Variants in EDIL3 observed in about 807,000 individuals in gnomAD.
EDIL3 encodes EGF-like repeat and discoidin I-like domain-containing protein 3.
Under a neutral mutation model 67.4 loss-of-function variants are expected in EDIL3, and 37 were observed. That is an observed-to-expected ratio of 0.55 (90% CI 0.42 to 0.72). The LOEUF (loss-of-function observed/expected upper bound fraction) is 0.72. Among genes scored for constraint, EDIL3 ranks in the 30% least tolerant of loss-of-function variants. The pLI, the probability that EDIL3 is intolerant of heterozygous loss-of-function variation, is 0.00. For synonymous variants in EDIL3, 195 were observed against 196.3 expected (o/e 0.99, Z 0.05); for missense variants, 527 against 586.3 (o/e 0.90, Z 1.04).
chr5:84,006,455 C>T (rs576450947), intron 9 of EDIL3, among the ~76,000 whole-genome samples: 5 of 152,120 alleles, frequency 3.3e-5, no homozygotes, highest in Non-Finnish European at 7.4e-5. Context: ...TGCAAACTAA[C>T]ACAGGAACAT....
At chr5:84,246,739 A>AT (rs1423042444) in intron 2 of EDIL3, among the ~76,000 whole-genome samples, 3 of 152,030 alleles carry the variant, frequency 2.0e-5, no homozygotes, top group East Asian at 3.9e-4. Context: ...GATGTTATAC[A>AT]TTTTTTTCTT....
chr5:84,193,082 GC>G (rs2112369760), intron 3 of EDIL3, among the ~76,000 whole-genome samples: 1 of 152,012 alleles, frequency 6.6e-6, no homozygotes, highest in South Asian at 2.1e-4. Flanking sequence ...GCCTTCAAAG[GC>G]CATGTATTTA....
intron 6 of EDIL3, among the ~76,000 whole-genome samples, chr5:84,102,972 A>C (rs944283096): frequency 3.3e-5 from 5 of 152,150 alleles, no homozygotes; most frequent in African/African-American, 1.2e-4. Flanking sequence ...ACTATACTAT[A>C]GGGCTACAGT....
At position 84,107,939 on chromosome 5, in the gene EDIL3, T is replaced by A. The variant is rs564421959; in HGVS notation, c.470-1109A>T. ...AATATTTTGCCAATTTAGATTTGTA[T>A]AATATATACGATAATTGTATTATAA... On this transcript the variant is annotated intron_variant, in intron 5 of 10. Coordinates refer to ENST00000296591, the MANE Select transcript of EDIL3 (RefSeq NM_005711.5). Among the ~76,000 whole-genome samples, 22 of 151,080 alleles carry A rather than the reference T, an allele frequency of 1.5e-4. 1 individual carries two copies. In the South Asian group the frequency reaches 4.6e-3, roughly 32 times the overall value.
chr5:83,949,714 A>G (rs1359807780), intron 10 of EDIL3, among the ~76,000 whole-genome samples: 1 of 151,830 alleles, frequency 6.6e-6, no homozygotes, highest in Non-Finnish European at 1.5e-5. Flanking sequence ...GACACATGTC[A>G]TTCCAGTGAT....
At chr5:84,093,146 G>A (rs1022512758) in intron 6 of EDIL3, among the ~76,000 whole-genome samples, 9 of 151,640 alleles carry the variant, frequency 5.9e-5, no homozygotes, top group African/African-American at 2.2e-4. Context: ...ATCACACAGT[G>A]CAGAATAATT....
intron 9 of EDIL3, among the ~76,000 whole-genome samples, chr5:83,965,013 A>C (rs1345620833): frequency 6.6e-6 from 1 of 152,084 alleles, no homozygotes; most frequent in Non-Finnish European, 1.5e-5. Context: ...ATAATTTAAT[A>C]TCAAGAGATG....
intron 6 of EDIL3, among the ~76,000 whole-genome samples, chr5:84,094,778 T>C (rs1263776580): frequency 6.6e-6 from 1 of 152,222 alleles, no homozygotes; most frequent in African/African-American, 2.4e-5. Flanking sequence ...GCCGATATAT[T>C]CTACATTAAC....
Position 84,152,620 on chromosome 5 carries a change from A to G in EDIL3, c.356-15266T>C, listed in dbSNP as rs139551248. Among the ~76,000 whole-genome samples the G allele has an allele frequency of 5.6e-3, 857 of 152,302 alleles. 4 individuals carry two copies. The highest frequency in any genetic ancestry group is 9.3e-3 in the Non-Finnish European group (631 of 68,012). On this transcript the variant is annotated intron_variant, in intron 4 of 10. Coordinates refer to ENST00000296591, the MANE Select transcript of EDIL3 (RefSeq NM_005711.5). Reference sequence around the variant, plus strand: ...TAGTAAGTGTAACATCGTCTGCTTAATTTGGTTGTTTAATTTGGCCCTTAG... The same window carrying G: ...TAGTAAGTGTAACATCGTCTGCTTAGTTTGGTTGTTTAATTTGGCCCTTAG...
rs1746599328 is a variant in EDIL3, at chr5:84,064,552, C to T, written c.952+148G>A. On this transcript the variant is annotated intron_variant, in intron 8 of 10. Coordinates refer to ENST00000296591, the MANE Select transcript of EDIL3 (RefSeq NM_005711.5). ...TGTTTATTCTATACATAAACACACA[C>T]TGGTTTTCCCTGAACCATGTTGTAG... 3 of 940,578 alleles carry T rather than the reference C, an allele frequency of 3.2e-6. No homozygotes were observed. In the South Asian group the frequency reaches 6.1e-5, roughly 19 times the overall value. 58.3% of individuals were successfully genotyped at this position (940,578 alleles called of 1,614,324 possible).
At chr5:84,379,163 A>G (rs1748028197) in intron 1 of EDIL3, among the ~76,000 whole-genome samples, 1 of 152,270 alleles carries the variant, frequency 6.6e-6, no homozygotes, top group Non-Finnish European at 1.5e-5. Context: ...AGCTCCTTAA[A>G]AGGGTATAAT....
intron 4 of EDIL3, among the ~76,000 whole-genome samples, chr5:84,166,555 C>T (rs1748707158): frequency 6.6e-6 from 1 of 152,062 alleles, no homozygotes; most frequent in African/African-American, 2.4e-5. Context: ...CAAATTACAG[C>T]AAAATGTAAA....
rs146726257 is a variant in EDIL3, at chr5:84,339,267, C to T, written c.67+45041G>A. On this transcript the variant is annotated intron_variant, in intron 1 of 10. Transcript: ENST00000296591. ...AGGGATAATGTAATTATAGCCTCTA[C>T]TTCATAGGGCAGTAGTAAGGGTTGG... is the stretch of plus-strand genomic sequence containing the variant. 5.9e-3 allele frequency among the ~76,000 whole-genome samples: 892 copies of T among 152,224 alleles called. 4 individuals are homozygous for T. The highest frequency in any genetic ancestry group is 9.5e-3 in the Non-Finnish European group (643 of 68,006).
At chr5:84,103,929 G>A (rs192291502) in intron 6 of EDIL3, among the ~76,000 whole-genome samples, 1 of 152,186 alleles carries the variant, frequency 6.6e-6, no homozygotes, top group Non-Finnish European at 1.5e-5. Context: ...TATGTTCACT[G>A]TAGCACCATT....
intron 4 of EDIL3, among the ~76,000 whole-genome samples, chr5:84,144,866 C>A (rs113021001): frequency 6.6e-6 from 1 of 152,056 alleles, no homozygotes; most frequent in African/African-American, 2.4e-5. Flanking sequence ...TAATAATCAA[C>A]CATTTTGGAG....
At chr5:83,971,513 C>G (rs746476955) in intron 9 of EDIL3, among the ~76,000 whole-genome samples, 2 of 151,942 alleles carry the variant, frequency 1.3e-5, no homozygotes, top group African/African-American at 4.8e-5. Flanking sequence ...AGCAATCCTC[C>G]ACCCTTAGCC....
intron 5 of EDIL3, among the ~76,000 whole-genome samples, chr5:84,126,030 C>T (rs1277374061): frequency 6.6e-6 from 1 of 151,892 alleles, no homozygotes; most frequent in African/African-American, 2.4e-5. Context: ...TACATCATCT[C>T]TCTACAGGTT....
rs1746550970 is a variant in EDIL3 at position 84,318,047 on chromosome 5, G to A, written c.68-63835C>T. 2.6e-5 allele frequency among the ~76,000 whole-genome samples: 4 copies of A among 151,978 alleles called. No individual in the cohort carries two copies. The South Asian group carries it at 8.3e-4, about 32-fold the overall frequency. On this transcript the variant is annotated intron_variant, in intron 1 of 10. Transcript: ENST00000296591. ...GACAGAGAGCCAAACCATGAGTAAA[G>A]TACCATTCACAATTGCTATTAAGAG...
At chr5:84,297,763 T>TTAGCAG (rs1301922600) in intron 1 of EDIL3, among the ~76,000 whole-genome samples, 1 of 152,196 alleles carries the variant, frequency 6.6e-6, no homozygotes, top group Non-Finnish European at 1.5e-5. Context: ...CTGTGATGGT[T>TTAGCAG]TAGCAGTTTC....
Sources: allele counts gnomAD v4.1 joint callset (sites outside exome capture counted in the v4.1 genomes callset), GRCh38; gene constraint gnomAD v4.1.1; transcripts MANE v1.5; gene names NCBI Gene and HGNC (gene_info 2026-07-23, HGNC 2026-07-21).